The following ANKS1A variants were observed in gnomAD, a reference collection of about 807,000 sequenced individuals.
ANKS1A encodes the protein ankyrin repeat and SAM domain-containing protein 1A.
ANKS1A carries 55 observed loss-of-function variants against 120.3 expected under a neutral mutation model. The ratio of observed to expected loss-of-function variants is 0.46; its 90% CI spans 0.37 to 0.57. The LOEUF is 0.57. Among genes scored for constraint, ANKS1A ranks in the 20% least tolerant of loss-of-function variants. ANKS1A has a pLI of 0.00. For missense variants in ANKS1A, 1,123 were observed against 1,480.3 expected, an observed-to-expected ratio of 0.76 and a Z score of 3.96; for synonymous variants, 590 against 604.7, an observed-to-expected ratio of 0.98 and a Z score of 0.36.
At chr6:35,014,209 G>A (rs1324889917) in intron 10 of ANKS1A, among the ~76,000 whole-genome samples, 3 of 152,212 alleles carry the variant, frequency 2.0e-5, no homozygotes, top group African/African-American at 4.8e-5. Context: ...GGCCTTGGAT[G>A]TAGTTTTTAA....
intron 11 of ANKS1A, among the ~76,000 whole-genome samples, chr6:35,025,058 T>C (rs1464156909): frequency 6.6e-6 from 1 of 152,124 alleles, no homozygotes; most frequent in Non-Finnish European, 1.5e-5. Context: ...TTTCCAAGTA[T>C]ACAGAGTAGT....
chr6:34,965,721 ATTCT>A (rs1180052772), intron 1 of ANKS1A, among the ~76,000 whole-genome samples: 1 of 151,370 alleles, frequency 6.6e-6, no homozygotes, highest in African/African-American at 2.4e-5. Context: ...TTTACTGGTG[ATTCT>A]TTATAATTTT....
chr6:35,040,596 A>G (rs1202583174), intron 11 of ANKS1A, among the ~76,000 whole-genome samples: 1 of 152,268 alleles, frequency 6.6e-6, no homozygotes, highest in East Asian at 1.9e-4. Flanking sequence ...CTACACACAG[A>G]CACACATGGC....
chr6:35,075,918 T>G (rs2127602892), intron 13 of ANKS1A, among the ~76,000 whole-genome samples: 1 of 152,178 alleles, frequency 6.6e-6, no homozygotes, highest in South Asian at 2.1e-4. Context: ...GCACCACCAT[T>G]CCTGGCTAAT....
intron 1 of ANKS1A, among the ~76,000 whole-genome samples, chr6:34,946,173 G>T (rs1173051963): frequency 6.6e-6 from 1 of 151,820 alleles, no homozygotes; most frequent in African/African-American, 2.4e-5. Context: ...TAGAGATGGG[G>T]TTTCACTGTG....
chr6:34,969,116 A>C (rs1771050038), intron 2 of ANKS1A, among the ~76,000 whole-genome samples: 2 of 152,140 alleles, frequency 1.3e-5, no homozygotes, highest in African/African-American at 4.8e-5. Flanking sequence ...ATTTTCTTTG[A>C]CCTCACATTC....
Position 35,060,575 on chromosome 6 carries a change from T to C in ANKS1A, c.2184+322T>C, listed in dbSNP as rs909841974. Among the ~76,000 whole-genome samples the C allele has an allele frequency of 6.6e-6, 1 of 152,214 alleles. No homozygotes were observed. Among genetic ancestry groups the C allele is most frequent in the African/African-American group, 2.4e-5 (1 of 41,454 alleles). On this transcript the variant is annotated intron_variant, in intron 13 of 23. Coordinates refer to ENST00000360359, the MANE Select transcript of ANKS1A (RefSeq NM_015245.3). This position sits in a 1 kb window ranked among gnomAD's most constrained non-coding sequence, Gnocchi z 4.5. ...CATCAAGGCTGGGTACGAGGAGTTT[T>C]ATTTATTTCTCAAAACTTGGTGTCA...
intron 1 of ANKS1A, among the ~76,000 whole-genome samples, chr6:34,956,169 A>G (rs1337276496): frequency 1.3e-5 from 2 of 151,232 alleles, no homozygotes; most frequent in East Asian, 3.9e-4. Context: ...CTGGATCATT[A>G]TTTATATTTT....
intron 1 of ANKS1A, among the ~76,000 whole-genome samples, chr6:34,931,594 A>G (rs1026595729): frequency 6.6e-6 from 1 of 152,174 alleles, no homozygotes; most frequent in Non-Finnish European, 1.5e-5. Flanking sequence ...ATGGAGCCAC[A>G]ATCTTAGGTG....
At chr6:34,994,269 G>A (rs1213225922) in intron 9 of ANKS1A, 33 bp from the exon 10 acceptor site, 1 of 1,607,552 alleles carries the variant, frequency 6.2e-7, no homozygotes, top group Non-Finnish European at 8.5e-7. Flanking sequence ...TTAGCCACAT[G>A]CACAAGATAC....
At chr6:34,997,965 T>C (rs1772944660) in intron 10 of ANKS1A, among the ~76,000 whole-genome samples, 1 of 152,114 alleles carries the variant, frequency 6.6e-6, no homozygotes. Flanking sequence ...TGAGAGTGGG[T>C]GGTATAGAAG....
chr6:34,889,740 G>C lies in ANKS1A; in HGVS notation c.197+141G>C. The C allele has an allele frequency of 8.9e-7, 1 of 1,122,544 alleles. No individual in the cohort carries two copies. Among genetic ancestry groups the C allele is most frequent in the Non-Finnish European group, 1.1e-6 (1 of 908,772 alleles). 69.5% of individuals were successfully genotyped at this position (1,122,544 alleles called of 1,614,324 possible). A position where few individuals can be genotyped will look rare whatever the true frequency, so the allele number is the denominator to read the frequency against. On this transcript the variant is annotated intron_variant, in intron 1 of 23. Coordinates refer to ENST00000360359, the MANE Select transcript of ANKS1A (RefSeq NM_015245.3). The surrounding 1 kb of genome is among the most constrained non-coding windows in gnomAD (Gnocchi z 5.5). Reference sequence around the variant, plus strand: ...GCCCGGGGCGAGGCAGGCGGCCCGCGGGCCAGGGTACCGGAGGGCGCGCAG... The same window carrying C: ...GCCCGGGGCGAGGCAGGCGGCCCGCCGGCCAGGGTACCGGAGGGCGCGCAG...
Position 34,889,536 on chromosome 6 carries a change from G to A in ANKS1A, c.134G>A (p.Gly45Asp). 1 of 1,270,156 alleles carries A rather than the reference G, an allele frequency of 7.9e-7. No individual in the cohort carries two copies. Among genetic ancestry groups the A allele is most frequent in the Non-Finnish European group, 9.8e-7 (1 of 1,017,908 alleles). 78.7% of individuals were successfully genotyped at this position (1,270,156 alleles called of 1,614,324 possible). A position where few individuals can be genotyped will look rare whatever the true frequency, so the allele number is the denominator to read the frequency against. The change falls in exon 1 of 24, where the codon GGC becomes GAC. Residue 45 changes from glycine to aspartate, a missense_variant. Gly to Asp is a moderately conservative substitution (Grantham distance 94, BLOSUM62 -1). Around this residue, in one of 3 missense-constraint regions of ANKS1A, gnomAD observed 73 missense variants for 82.2 expected, o/e 0.89. Transcript: ENST00000360359. This position sits in a 1 kb window ranked among gnomAD's most constrained non-coding sequence, Gnocchi z 5.5. ...GGCGGTGGCTCTGGGGGCGGCGGCG[G>A]CGGCAGCGGCGGCGGCGGCGGCGGC... ...GGGGGSGGGG[G>D]GSGGGGGGLG...
At chr6:35,009,538 G>A (rs1773630724) in intron 10 of ANKS1A, among the ~76,000 whole-genome samples, 1 of 152,148 alleles carries the variant, frequency 6.6e-6, no homozygotes, top group African/African-American at 2.4e-5. Context: ...GGAAATATGA[G>A]TCTGATGAGA....
intron 1 of ANKS1A, among the ~76,000 whole-genome samples, chr6:34,959,143 C>T (rs1457856087): frequency 1.3e-5 from 2 of 152,220 alleles, no homozygotes; most frequent in Non-Finnish European, 2.9e-5. Flanking sequence ...GAAATCTGAC[C>T]TCACGCACAT....
chr6:34,907,582 C>A (rs1203842247), intron 1 of ANKS1A, among the ~76,000 whole-genome samples: 1 of 152,182 alleles, frequency 6.6e-6, no homozygotes, highest in African/African-American at 2.4e-5. Flanking sequence ...GTTTAAGTAT[C>A]AGCTTTACTA....
At chr6:34,962,557 G>A (rs1038509032) in intron 1 of ANKS1A, among the ~76,000 whole-genome samples, 1 of 152,058 alleles carries the variant, frequency 6.6e-6, no homozygotes, top group African/African-American at 2.4e-5. Context: ...GGAGGCCAAG[G>A]CAGGCAAATC....
intron 10 of ANKS1A, among the ~76,000 whole-genome samples, chr6:35,006,765 AC>A (rs1450242453): frequency 6.6e-6 from 1 of 152,190 alleles, no homozygotes; most frequent in African/African-American, 2.4e-5. Flanking sequence ...AAAAAACAAA[AC>A]AAAAAACAAA....
Position 35,087,064 on chromosome 6 carries a change from T to C in ANKS1A, c.3401+15T>C. On this transcript the variant is annotated intron_variant, in intron 23 of 23. Coordinates refer to ENST00000360359, the MANE Select transcript of ANKS1A (RefSeq NM_015245.3). ...CTCAGCACCAAGTATGAGACCACTA[T>C]CTTCTAAAACAACCCACTCCCTGTC... The C allele has an allele frequency of 6.2e-7, 1 of 1,612,944 alleles. No individual in the cohort carries two copies. The highest frequency in any genetic ancestry group is 8.5e-7 in the Non-Finnish European group (1 of 1,178,998).
Sources: gnomAD v4.1 joint callset for allele counts (sites outside exome capture counted in the v4.1 genomes callset) on GRCh38, gnomAD v4.1.1 for gene constraint, gnomAD v4.1.1 regional missense constraint, Gnocchi (gnomAD v3.1) non-coding constraint, MANE v1.5 for transcripts, NCBI Gene and HGNC (gene_info 2026-07-23, HGNC 2026-07-21) for gene names.